The following COL4A2 variants were observed in gnomAD, a reference collection of about 807,000 sequenced individuals.
COL4A2 encodes the protein collagen type IV alpha 2 chain.
Under a neutral mutation model 200.2 loss-of-function variants are expected in COL4A2, and 99 were observed. The observed-to-expected ratio is 0.49, with a 90% confidence interval of 0.42 to 0.58. The LOEUF (loss-of-function observed/expected upper bound fraction) is 0.58. COL4A2 is among the 20% of genes least tolerant of loss of function. The pLI is 0.00. For missense variants in COL4A2, 1,950 were observed against 2,314.1 expected (o/e 0.84, Z 3.23); for synonymous variants, 897 against 900.6 (o/e 1.00, Z 0.07).
intron 4 of COL4A2, among the ~76,000 whole-genome samples, chr13:110,382,552 A>C (rs546360586): frequency 1.3e-5 from 2 of 152,252 alleles, no homozygotes; most frequent in African/African-American, 2.4e-5. Context: ...GTAAACTTCT[A>C]TTTACAATGA....
intron 45 of COL4A2, among the ~76,000 whole-genome samples, chr13:110,505,826 C>T (rs1883842615): frequency 6.6e-6 from 1 of 152,148 alleles, no homozygotes; most frequent in African/African-American, 2.4e-5. Context: ...TGGGGGCTGG[C>T]CTGCGATACT....
At chr13:110,427,650 T>C (rs1880518159) in intron 6 of COL4A2, among the ~76,000 whole-genome samples, 1 of 152,230 alleles carries the variant, frequency 6.6e-6, no homozygotes, top group South Asian at 2.1e-4. Context: ...TGTGGCCAGG[T>C]ACTGCATAAA....
At chr13:110,484,781 CT>C in intron 32 of COL4A2, 123 bp from the exon 33 acceptor site, 1 of 1,362,784 alleles carries the variant, frequency 7.3e-7, no homozygotes, top group Non-Finnish European at 9.7e-7. Context: ...CCCTTGGTCT[CT>C]CTCCAAGGCT....
At chr13:110,361,385 C>T (rs574078417) in intron 4 of COL4A2, among the ~76,000 whole-genome samples, 12 of 152,234 alleles carry the variant, frequency 7.9e-5, no homozygotes, top group African/African-American at 2.9e-4. Context: ...TTGTTCTTTC[C>T]CACAGCTTCC....
At chr13:110,327,997 A>G (rs978689883) in intron 3 of COL4A2, among the ~76,000 whole-genome samples, 11 of 152,260 alleles carry the variant, frequency 7.2e-5, no homozygotes, top group South Asian at 2.1e-4. Flanking sequence ...GAAGTGATGT[A>G]TAGAACTGTT....
Position 110,512,193 on chromosome 13 carries a change from C to T in COL4A2, c.*2C>T. On this transcript the variant is annotated 3_prime_UTR_variant, in exon 48 of 48. Coordinates refer to ENST00000360467, the MANE Select transcript of COL4A2 (RefSeq NM_001846.4). The stretch of plus-strand genomic sequence containing the variant: ...CAGGTGTGCATGAAGAACCTGTGAG[C>T]CGGCGCGTGCCAGGAAGGGCCATTT... 1 of 1,609,134 alleles carries T rather than the reference C, an allele frequency of 6.2e-7. No homozygotes were observed.
chr13:110,447,810 G>A (rs938820701), intron 18 of COL4A2, among the ~76,000 whole-genome samples: 1 of 152,156 alleles, frequency 6.6e-6, no homozygotes, highest in Non-Finnish European at 1.5e-5. Flanking sequence ...AAATACAGAC[G>A]CTCTGGTGTT....
intron 29 of COL4A2, among the ~76,000 whole-genome samples, chr13:110,476,099 G>A (rs1285349110): frequency 7.2e-5 from 11 of 152,116 alleles, no homozygotes; most frequent in Non-Finnish European, 1.5e-4. Flanking sequence ...AGGCCATCTC[G>A]CCTGCTCAGC....
chr13:110,498,431 G>A (rs1290654535), intron 40 of COL4A2, among the ~76,000 whole-genome samples: 1 of 152,176 alleles, frequency 6.6e-6, no homozygotes, highest in African/African-American at 2.4e-5. Flanking sequence ...GAGGGGCGGA[G>A]GAAACTGAGA....
At position 110,503,703 on chromosome 13, in the gene COL4A2, G is replaced by T. The variant is rs566550618; in HGVS notation, c.4139-144G>T. On this transcript the variant is annotated intron_variant, in intron 43 of 47. Coordinates refer to ENST00000360467, the MANE Select transcript of COL4A2 (RefSeq NM_001846.4). Reference sequence around the variant, plus strand: ...AGGCGCTGAGTCACGGCTCAGGCCCGTTAGTGTCTGGCTCATCTCTAGAAA... The same window carrying T: ...AGGCGCTGAGTCACGGCTCAGGCCCTTTAGTGTCTGGCTCATCTCTAGAAA... The T allele has an allele frequency of 7.0e-6, 7 of 1,002,612 alleles. No individual in the cohort carries two copies. The African/African-American group carries it at 9.8e-5, about 14-fold the overall frequency. The allele number at this position is 1,002,612 out of a possible 1,614,324, so 62.1% of individuals were successfully genotyped here.
intron 3 of COL4A2, among the ~76,000 whole-genome samples, chr13:110,320,503 G>A (rs1443480180): frequency 6.6e-6 from 1 of 152,128 alleles, no homozygotes; most frequent in East Asian, 1.9e-4. Flanking sequence ...TTTAATCCAA[G>A]AATTCTTTAC....
intron 3 of COL4A2, among the ~76,000 whole-genome samples, chr13:110,349,881 A>G (rs1454167335): frequency 6.6e-6 from 1 of 152,044 alleles, no homozygotes; most frequent in Non-Finnish European, 1.5e-5. Flanking sequence ...CTTGTGTCTC[A>G]ACCTCGTGAG....
At chr13:110,411,715 T>A (rs1259839318) in intron 4 of COL4A2, among the ~76,000 whole-genome samples, 1 of 152,242 alleles carries the variant, frequency 6.6e-6, no homozygotes, top group Non-Finnish European at 1.5e-5. Flanking sequence ...TGCTTTTGGC[T>A]TAATTATCGC....
rs1486800811 is a variant in COL4A2, at chr13:110,508,189, C to T, written c.4849C>T (p.Arg1617Trp). 3.7e-6 allele frequency: 6 copies of T among 1,614,222 alleles called. No homozygotes were observed. Among genetic ancestry groups the T allele is most frequent in the South Asian group, 1.1e-5 (1 of 91,086 alleles). ...VSIPHCPAGW[R>W]SLWIGYSFLM... ...CATCCCACACTGCCCAGCTGGGTGGCGGAGTTTGTGGATCGGATATTCCTT... is the reference window on the plus strand; with the variant it reads ...CATCCCACACTGCCCAGCTGGGTGGTGGAGTTTGTGGATCGGATATTCCTT... Residue 1617 changes from arginine (R) to tryptophan (W), a missense_variant, in exon 47 of 48, where the codon CGG becomes TGG. Arg to Trp is a moderately radical substitution (Grantham distance 101, BLOSUM62 -3). Around this residue, in one of 2 missense-constraint regions of COL4A2, gnomAD observed 1,385 missense variants for 1,720.5 expected, o/e 0.80. Coordinates refer to ENST00000360467, the MANE Select transcript of COL4A2 (RefSeq NM_001846.4). The surrounding 1 kb of genome is among the most constrained non-coding windows in gnomAD (Gnocchi z 6.1).
intron 24 of COL4A2, among the ~76,000 whole-genome samples, chr13:110,464,954 G>A (rs1280126530): frequency 4.6e-5 from 7 of 152,156 alleles, no homozygotes; most frequent in Non-Finnish European, 8.8e-5. Context: ...AGGCGCACAC[G>A]GCTCTTTCCT....
intron 45 of COL4A2, among the ~76,000 whole-genome samples, 162 bp from the exon 46 acceptor site, chr13:110,506,253 G>A (rs1471644144): frequency 6.7e-5 from 6 of 90,200 alleles, no homozygotes; most frequent in Admixed American, 1.2e-4. Flanking sequence ...ACACCAGGCC[G>A]TCCACTCTCT....
At chr13:110,360,430 T>C (rs1018409294) in intron 4 of COL4A2, among the ~76,000 whole-genome samples, 2 of 152,232 alleles carry the variant, frequency 1.3e-5, no homozygotes, top group African/African-American at 4.8e-5. Context: ...TATAATGGCA[T>C]CTGCATAGCA....
intron 15 of COL4A2, 65 bp from the exon 16 acceptor site, chr13:110,439,724 C>A: frequency 6.2e-7 from 1 of 1,611,344 alleles, no homozygotes; most frequent in South Asian, 1.1e-5. Flanking sequence ...GTGCCGTAGT[C>A]AAGCCCTCTG....
chr13:110,423,570 G>A (rs991140805), intron 4 of COL4A2, among the ~76,000 whole-genome samples: 4 of 152,132 alleles, frequency 2.6e-5, no homozygotes, highest in South Asian at 2.1e-4. Flanking sequence ...GCATAACATC[G>A]AAATTACCTT....
Sources: allele counts gnomAD v4.1 joint callset (sites outside exome capture counted in the v4.1 genomes callset), GRCh38; gene constraint gnomAD v4.1.1; regional missense constraint gnomAD v4.1.1; non-coding constraint Gnocchi (gnomAD v3.1); transcripts MANE v1.5; gene names NCBI Gene and HGNC (gene_info 2026-07-23, HGNC 2026-07-21).